AGGF1: variants seen among roughly 807,000 people sequenced by gnomAD.
The protein encoded by AGGF1 is angiogenic factor with G patch and FHA domains 1.
AGGF1 carries 56 observed loss-of-function variants against 86.5 expected under a neutral mutation model. The observed-to-expected ratio is 0.65, with a 90% confidence interval of 0.52 to 0.81. The LOEUF (loss-of-function observed/expected upper bound fraction) is 0.81. Ranked by LOEUF, AGGF1 falls within the 30% of genes least tolerant of loss-of-function variation. AGGF1 has a pLI of 0.00. For synonymous variants in AGGF1, 313 were observed against 297.1 expected (o/e 1.05, Z -0.55); for missense variants, 816 against 850.9 (o/e 0.96, Z 0.51).
At chr5:77,033,507 C>T (rs1274667326) in intron 1 of AGGF1, among the ~76,000 whole-genome samples, 3 of 152,072 alleles carry the variant, frequency 2.0e-5, no homozygotes, top group Admixed American at 6.6e-5. Flanking sequence ...GCTCCTAGGG[C>T]GAGGAATTTA....
rs200258204 is a variant in AGGF1, at chr5:77,048,196, A to G, written c.1237A>G (p.Ile413Val). 20 of 1,613,494 alleles carry G rather than the reference A, an allele frequency of 1.2e-5. No homozygotes were observed. Among genetic ancestry groups the G allele is most frequent in the Non-Finnish European group, 1.4e-5 (17 of 1,179,736 alleles). The change falls in exon 7 of 14, where the codon ATT (isoleucine) becomes GTT (valine). Residue 413 changes from isoleucine to valine, a missense_variant. By Grantham distance (29) the Ile-to-Val change is conservative. This residue lies in a region of AGGF1 where 565 missense variants were observed against 585.8 expected (regional missense o/e 0.96). Coordinates refer to ENST00000312916, the MANE Select transcript of AGGF1 (RefSeq NM_018046.5). Reference sequence around the variant, plus strand: ...AATTTGGCCCCCATGTATTAGAGTAATTGTCATTAGATCACCTGTGTTGCA... The same window carrying G: ...AATTTGGCCCCCATGTATTAGAGTAGTTGTCATTAGATCACCTGTGTTGCA... ...DKIWPPCIRV[I>V]VIRSPVLQIG...
At chr5:77,049,873 C>T (rs1245895046) in intron 8 of AGGF1, among the ~76,000 whole-genome samples, 1 of 152,020 alleles carries the variant, frequency 6.6e-6, no homozygotes, top group Non-Finnish European at 1.5e-5. Context: ...TTTCTCTTTC[C>T]TGTACTATGT....
intron 8 of AGGF1, among the ~76,000 whole-genome samples, chr5:77,052,375 A>G (rs549326176): frequency 6.6e-6 from 1 of 152,002 alleles, no homozygotes; most frequent in African/African-American, 2.4e-5. Context: ...TTTTGATGAT[A>G]TGGACCAAAA....
intron 5 of AGGF1, among the ~76,000 whole-genome samples, chr5:77,043,971 C>T (rs1434341220): frequency 1.5e-5 from 2 of 135,770 alleles, no homozygotes; most frequent in African/African-American, 5.6e-5. Flanking sequence ...CTCCCCACAT[C>T]TCAGACAATG....
At chr5:77,061,137 A>G (rs901601106) in intron 12 of AGGF1, among the ~76,000 whole-genome samples, 3 of 152,216 alleles carry the variant, frequency 2.0e-5, no homozygotes, top group South Asian at 4.1e-4. Flanking sequence ...ACATCATAAG[A>G]TTAACATATT....
At position 77,030,471 on chromosome 5, in the gene AGGF1, T is replaced by A. The variant is rs1334763201; in HGVS notation, c.-296T>A. 5.0e-6 allele frequency: 3 copies of A among 599,036 alleles called. 1 individual carries two copies. The East Asian group carries it at 1.1e-4, about 22-fold the overall frequency. 37.1% of individuals were successfully genotyped at this position (599,036 alleles called of 1,614,324 possible). A position where few individuals can be genotyped will look rare whatever the true frequency, so the allele number is the denominator to read the frequency against. On this transcript the variant is annotated 5_prime_UTR_variant, in exon 1 of 14. Transcript: ENST00000312916. ...TGGCCTCTGGTTTTCCGACTGCTTA[T>A]CCGACGCTCCTCCCTCTGTCTCTGT...
At chr5:77,053,530 A>C (rs774999980) in intron 9 of AGGF1, among the ~76,000 whole-genome samples, 5 of 152,248 alleles carry the variant, frequency 3.3e-5, no homozygotes, top group Non-Finnish European at 7.3e-5. Flanking sequence ...AAAAGAAAAA[A>C]TATAGGAAGG....
At chr5:77,055,219 T>G (rs1355595427) in intron 10 of AGGF1, among the ~76,000 whole-genome samples, 3 of 152,190 alleles carry the variant, frequency 2.0e-5, no homozygotes, top group Non-Finnish European at 2.9e-5. Flanking sequence ...TATTTCTGCA[T>G]TTGAGATTCT....
intron 5 of AGGF1, among the ~76,000 whole-genome samples, chr5:77,041,106 A>AT (rs1747069454): frequency 2.7e-5 from 3 of 109,480 alleles, no homozygotes; most frequent in African/African-American, 5.8e-5. Context: ...ATTCTGTTAG[A>AT]TTTTTTCTGT....
At position 77,048,206 on chromosome 5, in the gene AGGF1, G is replaced by C; in HGVS notation, c.1247G>C (p.Arg416Thr). 2 of 1,613,772 alleles carry C rather than the reference G, an allele frequency of 1.2e-6. No homozygotes were observed. The highest frequency in any genetic ancestry group is 1.7e-6 in the Non-Finnish European group (2 of 1,179,814). Residue 416 changes from arginine to threonine, a missense_variant, in exon 7 of 14, where the codon AGA (arginine) becomes ACA (threonine). By Grantham distance (71) the Arg-to-Thr change is moderately conservative. Around this residue, in one of 3 missense-constraint regions of AGGF1, gnomAD observed 565 missense variants for 585.8 expected, o/e 0.96. Coordinates refer to ENST00000312916, the MANE Select transcript of AGGF1 (RefSeq NM_018046.5). Reference sequence around the variant, plus strand: ...CCATGTATTAGAGTAATTGTCATTAGATCACCTGTGTTGCAGATAGGATCA... The same window carrying C: ...CCATGTATTAGAGTAATTGTCATTACATCACCTGTGTTGCAGATAGGATCA... ...WPPCIRVIVI[R>T]SPVLQIGSLF...
intron 5 of AGGF1, among the ~76,000 whole-genome samples, chr5:77,040,542 A>G (rs559739836): frequency 4.5e-4 from 68 of 152,346 alleles, no homozygotes; most frequent in Admixed American, 2.8e-3. Context: ...TTTAATTTAA[A>G]AAAGTATTAT....
intron 5 of AGGF1, 113 bp from the exon 6 acceptor site, chr5:77,046,234 A>G: frequency 2.1e-6 from 2 of 933,100 alleles, no homozygotes; most frequent in East Asian, 4.8e-5. Context: ...AACCATTGTT[A>G]TTTTACTGAC....
At chr5:77,055,089 A>AT (rs1332126704) in intron 10 of AGGF1, among the ~76,000 whole-genome samples, 2 of 152,000 alleles carry the variant, frequency 1.3e-5, no homozygotes, top group African/African-American at 4.8e-5. Flanking sequence ...TTCATTGTTT[A>AT]TTTTTTGTTT....
At chr5:77,036,768 C>A in intron 4 of AGGF1, 48 bp downstream of exon 4, 1 of 1,594,608 alleles carries the variant, frequency 6.3e-7, no homozygotes, top group East Asian at 2.2e-5. Flanking sequence ...GAGACAGTCT[C>A]CCTCTGTCAC....
intron 12 of AGGF1, among the ~76,000 whole-genome samples, chr5:77,060,028 G>T (rs1347227510): frequency 1.3e-5 from 2 of 152,166 alleles, no homozygotes; most frequent in African/African-American, 4.8e-5. Flanking sequence ...TTTTAGTAGA[G>T]ACGGGGTTTC....
At chr5:77,054,202 A>T in intron 10 of AGGF1, 72 bp downstream of exon 10, 1 of 1,567,646 alleles carries the variant, frequency 6.4e-7, no homozygotes, top group Non-Finnish European at 8.8e-7. Context: ...AAAAAACATC[A>T]GTCAGCTACT....
rs1221215190 is a variant in AGGF1, at chr5:77,063,961, A to T, written c.*709A>T. The T allele has an allele frequency of 6.5e-6, 1 of 152,680 alleles. No homozygotes were observed. The highest frequency in any genetic ancestry group is 1.5e-5 in the Non-Finnish European group (1 of 68,052). 9.5% of individuals were successfully genotyped at this position (152,680 alleles called of 1,614,324 possible). ...GTGCTGGCTTTTGTAGTTTTGATAA[A>T]GACCATTGCAGGCAATGGAATTGTG... is the stretch of plus-strand genomic sequence containing the variant. On this transcript the variant is annotated 3_prime_UTR_variant, in exon 14 of 14. Transcript: ENST00000312916.
At chr5:77,041,136 C>T (rs1747070690) in intron 5 of AGGF1, among the ~76,000 whole-genome samples, 1 of 152,100 alleles carries the variant, frequency 6.6e-6, no homozygotes, top group African/African-American at 2.4e-5. Flanking sequence ...TGATTTGCTT[C>T]TGTTCTATTT....
rs374881116 is a variant in AGGF1, at chr5:77,041,966, G to A, written c.870+2247G>A. ...TAGGCAGAGGACCCTGCGGCCTTCC[G>A]CAGTGTTTGTGTCCCTGGGTACTTG... On this transcript the variant is annotated intron_variant, in intron 5 of 13. Coordinates refer to ENST00000312916, the MANE Select transcript of AGGF1 (RefSeq NM_018046.5). Among the ~76,000 whole-genome samples, 49 of 150,782 alleles carry A rather than the reference G, an allele frequency of 3.2e-4. No homozygotes were observed. The Middle Eastern group carries it at 0.017, about 52-fold the overall frequency.
Sources: gnomAD v4.1 joint callset for allele counts (sites outside exome capture counted in the v4.1 genomes callset) on GRCh38, gnomAD v4.1.1 for gene constraint, gnomAD v4.1.1 regional missense constraint, MANE v1.5 for transcripts, NCBI Gene and HGNC (gene_info 2026-07-23, HGNC 2026-07-21) for gene names.